USPL1: variants seen among roughly 807,000 people sequenced by gnomAD.
The protein encoded by USPL1 is ubiquitin specific peptidase like 1.
Under a neutral mutation model 51.5 loss-of-function variants are expected in USPL1, and 27 were observed. That is an observed-to-expected ratio of 0.52 (90% confidence interval 0.39 to 0.72). USPL1 has a LOEUF of 0.72. Ranked by LOEUF, USPL1 falls within the 30% of genes least tolerant of loss-of-function variation. The pLI is 0.00. For synonymous variants in USPL1, 451 were observed against 459.6 expected, an observed-to-expected ratio of 0.98 and a Z score of 0.24; for missense variants, 1,226 against 1,268.0, an observed-to-expected ratio of 0.97 and a Z score of 0.50.
At chr13:30,648,588 C>T (rs1951048231) in intron 7 of USPL1, among the ~76,000 whole-genome samples, 2 of 152,176 alleles carry the variant, frequency 1.3e-5, no homozygotes, top group African/African-American at 4.8e-5. Context: ...CTCCGTAGTA[C>T]TCATGTCTTC....
intron 1 of USPL1, among the ~76,000 whole-genome samples, chr13:30,620,321 T>C (rs1950630816): frequency 6.6e-6 from 1 of 152,222 alleles, no homozygotes; most frequent in South Asian, 2.1e-4. Flanking sequence ...GTCTCCTGTA[T>C]TTGATTTTCC....
chr13:30,653,822 A>T (rs189226537), intron 8 of USPL1, among the ~76,000 whole-genome samples: 27 of 152,328 alleles, frequency 1.8e-4, no homozygotes, highest in African/African-American at 5.8e-4. Flanking sequence ...ATATGGTAAA[A>T]TATTGAGTTT....
intron 3 of USPL1, among the ~76,000 whole-genome samples, chr13:30,627,021 G>T (rs1170021647): frequency 6.6e-6 from 1 of 151,898 alleles, no homozygotes; most frequent in South Asian, 2.1e-4. Flanking sequence ...AAGAAGACAT[G>T]GTATGTTTTC....
intron 7 of USPL1, among the ~76,000 whole-genome samples, chr13:30,652,768 T>G (rs1441845372): frequency 6.6e-6 from 1 of 152,204 alleles, no homozygotes; most frequent in Non-Finnish European, 1.5e-5. Flanking sequence ...GCAATTAATC[T>G]CAGCACTTGA....
rs748620764 is a variant in USPL1 at position 30,621,095 on chromosome 13, T to G, written c.-46T>G. On this transcript the variant is annotated 5_prime_UTR_variant, in exon 2 of 9. Transcript: ENST00000255304. Reference sequence around the variant, plus strand: ...CAGGGTTCATTGAAAAAATCCTTAGTGATATTGACATGTCTCAAGTGACAT... The same window carrying G: ...CAGGGTTCATTGAAAAAATCCTTAGGGATATTGACATGTCTCAAGTGACAT... 6.7e-7 allele frequency: 1 copy of G among 1,490,234 alleles called. No individual in the cohort carries two copies. The highest frequency in any genetic ancestry group is 2.0e-5 in the Admixed American group (1 of 50,310). 92.3% of individuals were successfully genotyped at this position (1,490,234 alleles called of 1,614,324 possible).
chr13:30,653,403 C>CT, intron 8 of USPL1, 98 bp downstream of exon 8: 1 of 1,251,704 alleles, frequency 8.0e-7, no homozygotes, highest in Non-Finnish European at 1.1e-6. Flanking sequence ...AAAAGACAAA[C>CT]TTTGTCCTGA....
chr13:30,657,567 G>T lies in USPL1; in HGVS notation c.1490G>T (p.Trp497Leu). Residue 497 changes from tryptophan to leucine, a missense_variant, in exon 9 of 9, where the codon TGG becomes TTG. Trp to Leu is a moderately conservative substitution (Grantham distance 61). Coordinates refer to ENST00000255304, the MANE Select transcript of USPL1 (RefSeq NM_005800.5). ...GCTTCAGAGATACATATTGTTATTT[G>T]GGAAAGAAAAATATCCCAAGTGACA... ...VPASEIHIVI[W>L]ERKISQVTDK... 1.2e-6 allele frequency: 2 copies of T among 1,614,106 alleles called. No individual in the cohort carries two copies. Among genetic ancestry groups the T allele is most frequent in the Non-Finnish European group, 1.7e-6 (2 of 1,180,010 alleles).
chr13:30,623,538 A>G (rs1181339908), intron 3 of USPL1, among the ~76,000 whole-genome samples: 1 of 150,944 alleles, frequency 6.6e-6, no homozygotes, highest in Non-Finnish European at 1.5e-5. Context: ...GTCCTTGTCT[A>G]TGGTTTCCGT....
intron 3 of USPL1, 126 bp from the exon 4 acceptor site, chr13:30,630,709 G>A: frequency 3.7e-6 from 4 of 1,074,790 alleles, no homozygotes; most frequent in Non-Finnish European, 5.1e-6. Flanking sequence ...AAATTTATGT[G>A]TATAAATATA....
Position 30,647,820 on chromosome 13 carries a change from C to T in USPL1, c.1238+763C>T, listed in dbSNP as rs1012160576. Among the ~76,000 whole-genome samples, 8 of 152,296 alleles carry T rather than the reference C, an allele frequency of 5.3e-5. No homozygotes were observed. The East Asian group carries it at 1.5e-3, about 29-fold the overall frequency. On this transcript the variant is annotated intron_variant, in intron 7 of 8. Coordinates refer to ENST00000255304, the MANE Select transcript of USPL1 (RefSeq NM_005800.5). ...TGCCAGAAACCCTTCAGAATCTTTC[C>T]TAAAGGTTTATTCTCATTGAAGTAA...
chr13:30,629,988 T>C (rs1431168073), intron 3 of USPL1, among the ~76,000 whole-genome samples: 2 of 151,718 alleles, frequency 1.3e-5, no homozygotes, highest in Non-Finnish European at 2.9e-5. Flanking sequence ...TTATTATTAT[T>C]TTAGAGACAG....
chr13:30,649,534 C>T (rs958719482), intron 7 of USPL1, among the ~76,000 whole-genome samples: 8 of 152,176 alleles, frequency 5.3e-5, no homozygotes, highest in Admixed American at 1.3e-4. Flanking sequence ...TTATGCCTAG[C>T]GGGCCCAAAT....
rs1269835906 is a variant in USPL1, at chr13:30,660,057, A to G, written c.*701A>G. 1 of 152,238 alleles carries G rather than the reference A, an allele frequency of 6.6e-6. No individual in the cohort carries two copies. Among genetic ancestry groups the G allele is most frequent in the African/African-American group, 2.4e-5 (1 of 41,452 alleles). 9.4% of individuals were successfully genotyped at this position (152,238 alleles called of 1,614,324 possible). On this transcript the variant is annotated 3_prime_UTR_variant, in exon 9 of 9. Coordinates refer to ENST00000255304, the MANE Select transcript of USPL1 (RefSeq NM_005800.5). ...CGGGGCCCTGGAGAGGATAGCTTCTATCCATAGGCAGGTTGTTCTGCCGTC... is the reference window on the plus strand; with the variant it reads ...CGGGGCCCTGGAGAGGATAGCTTCTGTCCATAGGCAGGTTGTTCTGCCGTC...
At chr13:30,657,336 G>A (rs770459420) in intron 8 of USPL1, 138 bp from the exon 9 acceptor site, 8 of 867,564 alleles carry the variant, frequency 9.2e-6, no homozygotes, top group African/African-American at 1.7e-5. Context: ...AGACAATGGT[G>A]ACAAGGTCAA....
Position 30,658,983 on chromosome 13 carries a change from A to G in USPL1, c.2906A>G (p.Glu969Gly), listed in dbSNP as rs375213533. 1 of 1,614,208 alleles carries G rather than the reference A, an allele frequency of 6.2e-7. No homozygotes were observed. The highest frequency in any genetic ancestry group is 1.1e-5 in the South Asian group (1 of 91,078). Reference sequence around the variant, plus strand: ...TCCCTGTACAGTAGTCAAACTCATGAAGAAATTTTAGCGGAATTATTGTCT... The same window carrying G: ...TCCCTGTACAGTAGTCAAACTCATGGAGAAATTTTAGCGGAATTATTGTCT... ...GVSLYSSQTHEEILAELLSPT... is the reference protein window; with the variant it reads ...GVSLYSSQTHGEILAELLSPT... Residue 969 changes from glutamate to glycine, a missense_variant, in exon 9 of 9, where the codon GAA becomes GGA. Transcript: ENST00000255304.
chr13:30,620,273 A>G (rs1950630257), intron 1 of USPL1, among the ~76,000 whole-genome samples: 1 of 152,152 alleles, frequency 6.6e-6, no homozygotes. Context: ...TTATTTTACA[A>G]CATTTCTGCT....
chr13:30,659,455 T>C lies in USPL1; in HGVS notation c.*99T>C. 2.7e-6 allele frequency: 3 copies of C among 1,093,958 alleles called. No homozygotes were observed. The highest frequency in any genetic ancestry group is 3.8e-6 in the Non-Finnish European group (3 of 794,994). The allele number at this position is 1,093,958 out of a possible 1,614,324, so 67.8% of individuals were successfully genotyped here. ...TTATACACTGGACTTGTGTAATTACTTGTGTAATAACCATGAACAAAATGC... is the reference window on the plus strand; with the variant it reads ...TTATACACTGGACTTGTGTAATTACCTGTGTAATAACCATGAACAAAATGC... On this transcript the variant is annotated 3_prime_UTR_variant, in exon 9 of 9. Transcript: ENST00000255304.
At chr13:30,630,326 A>G (rs1950784759) in intron 3 of USPL1, among the ~76,000 whole-genome samples, 1 of 152,222 alleles carries the variant, frequency 6.6e-6, no homozygotes, top group Non-Finnish European at 1.5e-5. Flanking sequence ...AAGTCATTAA[A>G]ATTCAGCCAC....
Position 30,652,631 on chromosome 13 carries a change from G to A in USPL1, c.1239-517G>A, listed in dbSNP as rs150815084. On this transcript the variant is annotated intron_variant, in intron 7 of 8. Coordinates refer to ENST00000255304, the MANE Select transcript of USPL1 (RefSeq NM_005800.5). Reference sequence around the variant, plus strand: ...TAGTTACAAATTGAACTTTTCCTAAGTAGAACTTTTAATTTGACAGGCCCC... The same window carrying A: ...TAGTTACAAATTGAACTTTTCCTAAATAGAACTTTTAATTTGACAGGCCCC... 3.5e-3 allele frequency among the ~76,000 whole-genome samples: 530 copies of A among 152,286 alleles called. 7 individuals are homozygous for A. The highest frequency in any genetic ancestry group is 0.012 in the African/African-American group (504 of 41,552).
Sources: gnomAD v4.1 joint callset for allele counts (sites outside exome capture counted in the v4.1 genomes callset) on GRCh38, gnomAD v4.1.1 for gene constraint, MANE v1.5 for transcripts, NCBI Gene and HGNC (gene_info 2026-07-23, HGNC 2026-07-21) for gene names.